Variants in FLRT1 observed in about 807,000 individuals in gnomAD.
FLRT1 encodes the protein fibronectin leucine rich transmembrane protein 1.
Under a neutral mutation model 30.9 loss-of-function variants are expected in FLRT1, and 14 were observed. The ratio of observed to expected loss-of-function variants is 0.45; its 90% confidence interval spans 0.30 to 0.71. The LOEUF is 0.71. FLRT1 is among the 30% of genes least tolerant of loss of function. The probability of loss-of-function intolerance (pLI) is 0.08; values close to 1 mark genes in which losing one functional copy is unlikely to be tolerated. For synonymous variants in FLRT1, 368 were observed against 430.4 expected (o/e 0.85, Z 1.80); for missense variants, 737 against 949.2 (o/e 0.78, Z 2.94).
At position 64,067,772 on chromosome 11, in the gene FLRT1, A is replaced by G. The variant is rs1400722818; in HGVS notation, c.-1038+31613A>G. Among the ~76,000 whole-genome samples, 2 of 151,984 alleles carry G rather than the reference A, an allele frequency of 1.3e-5. No individual in the cohort carries two copies. Among genetic ancestry groups the G allele is most frequent in the East Asian group, 3.9e-4 (2 of 5,158 alleles). ...GCTTGTGAACTGGGGGTGGCCCCAG[A>G]GCTGTTTGTTTTCCCTGACTGAGGG... On this transcript the variant is annotated intron_variant, in intron 1 of 2. Coordinates refer to ENST00000682287, the MANE Select transcript of FLRT1 (RefSeq NM_013280.5). The surrounding 1 kb of genome is among the most constrained non-coding windows in gnomAD (Gnocchi z 4.6).
chr11:64,099,634 GGA>G (rs1185419251), intron 1 of FLRT1, among the ~76,000 whole-genome samples: 1 of 151,822 alleles, frequency 6.6e-6, no homozygotes, highest in Non-Finnish European at 1.5e-5. Flanking sequence ...ATGGATGGAT[GGA>G]GAGATAGGAG....
intron 2 of FLRT1, among the ~76,000 whole-genome samples, chr11:64,113,726 G>C (rs1944907654): frequency 6.7e-6 from 1 of 149,432 alleles, no homozygotes; most frequent in Admixed American, 6.6e-5. Context: ...TGCATGGATT[G>C]ATACATGGAT....
chr11:64,053,954 C>G (rs1464081832), intron 1 of FLRT1, among the ~76,000 whole-genome samples: 1 of 152,172 alleles, frequency 6.6e-6, no homozygotes. Flanking sequence ...TGGCACGGAG[C>G]TGTTCCTGCG....
intron 1 of FLRT1, among the ~76,000 whole-genome samples, chr11:64,077,641 G>A (rs369796193): frequency 1.3e-5 from 2 of 152,084 alleles, no homozygotes; most frequent in South Asian, 2.1e-4. Flanking sequence ...ATAGATGGAC[G>A]CTCAGAGGCA....
chr11:64,107,876 G>C (rs550663631), intron 2 of FLRT1, among the ~76,000 whole-genome samples: 1 of 152,302 alleles, frequency 6.6e-6, no homozygotes, highest in South Asian at 2.1e-4. Context: ...ACGACTCAAG[G>C]CTCCCCTCCC....
chr11:64,054,263 T>G (rs994440156), intron 1 of FLRT1, among the ~76,000 whole-genome samples: 12 of 152,160 alleles, frequency 7.9e-5, no homozygotes, highest in Admixed American at 6.5e-5. Context: ...GACAGTTGGC[T>G]CAAGTCATGA....
chr11:64,078,564 G>A lies in FLRT1; in HGVS notation c.-1037-24630G>A, dbSNP rs565398703. ...TGTCTGGGTGGGCAGTGGTGTGAGCGCGGCCCTGTGCCCCACAGGGTCCCA... is the reference window on the plus strand; with the variant it reads ...TGTCTGGGTGGGCAGTGGTGTGAGCACGGCCCTGTGCCCCACAGGGTCCCA... On this transcript the variant is annotated intron_variant, in intron 1 of 2. Transcript: ENST00000682287. Among the ~76,000 whole-genome samples, 49 of 152,318 alleles carry A rather than the reference G, an allele frequency of 3.2e-4. 1 individual carries two copies. The highest frequency in any genetic ancestry group is 3.4e-3 in the Middle Eastern group (1 of 294).
chr11:64,101,397 G>T (rs1161476758), intron 1 of FLRT1, among the ~76,000 whole-genome samples: 2 of 152,062 alleles, frequency 1.3e-5, no homozygotes, highest in East Asian at 3.9e-4. Flanking sequence ...CTCCTTTTTG[G>T]GTTCTTAATT....
At chr11:64,077,685 T>C (rs895904670) in intron 1 of FLRT1, among the ~76,000 whole-genome samples, 1 of 152,126 alleles carries the variant, frequency 6.6e-6, no homozygotes, top group African/African-American at 2.4e-5. Flanking sequence ...CGTGCCCCCT[T>C]GTTGTCTGGG....
At chr11:64,078,650 T>C (rs1484182894) in intron 1 of FLRT1, among the ~76,000 whole-genome samples, 2 of 152,108 alleles carry the variant, frequency 1.3e-5, no homozygotes, top group African/African-American at 2.4e-5. Flanking sequence ...CCTGCATCCT[T>C]GTCCTACAAA....
chr11:64,060,258 C>T (rs1001309655), intron 1 of FLRT1, among the ~76,000 whole-genome samples: 26 of 152,250 alleles, frequency 1.7e-4, no homozygotes, highest in Non-Finnish European at 8.8e-5. Flanking sequence ...GCCCAGGAGG[C>T]CCCAGAGCTC....
intron 2 of FLRT1, among the ~76,000 whole-genome samples, chr11:64,113,056 C>T (rs572845337): frequency 6.6e-6 from 1 of 152,312 alleles, no homozygotes; most frequent in Admixed American, 6.5e-5. Flanking sequence ...CAGAGTGCTG[C>T]AAGCCTCAAG....
At chr11:64,037,068 C>T (rs1176865168) in intron 1 of FLRT1, among the ~76,000 whole-genome samples, 1 of 152,098 alleles carries the variant, frequency 6.6e-6, no homozygotes, top group Non-Finnish European at 1.5e-5. Context: ...AGAATACAGC[C>T]CAGCTGGGGT....
chr11:64,083,863 T>G (rs576672614), intron 1 of FLRT1, among the ~76,000 whole-genome samples: 32 of 152,196 alleles, frequency 2.1e-4, no homozygotes, highest in African/African-American at 7.2e-4. Flanking sequence ...GGCGCTGACC[T>G]GGGGGGTGCT....
At chr11:64,109,644 C>T (rs1944825084) in intron 2 of FLRT1, among the ~76,000 whole-genome samples, 1 of 152,184 alleles carries the variant, frequency 6.6e-6, no homozygotes, top group South Asian at 2.1e-4. Flanking sequence ...TCCCCGGACT[C>T]CTCCACCCTG....
intron 1 of FLRT1, among the ~76,000 whole-genome samples, chr11:64,043,137 A>G (rs320137): frequency 0.036 from 5,545 of 152,292 alleles, 313 homozygotes; most frequent in African/African-American, 0.12. Flanking sequence ...AAACAGGATG[A>G]TGGCATACGT....
Position 64,082,202 on chromosome 11 carries a change from TC to T in FLRT1, c.-1037-20989del, listed in dbSNP as rs1322470033. On this transcript the variant is annotated intron_variant, in intron 1 of 2. Coordinates refer to ENST00000682287, the MANE Select transcript of FLRT1 (RefSeq NM_013280.5). The surrounding 1 kb of genome is among the most constrained non-coding windows in gnomAD (Gnocchi z 4.5). ...CAGAGCCAGGAGCAGGCGCGAAACA[TC>T]CCTTAAATATTGGTGCTCTCGGCAG... Among the ~76,000 whole-genome samples, 1 of 151,868 alleles carries T rather than the reference TC, an allele frequency of 6.6e-6. No homozygotes were observed. The highest frequency in any genetic ancestry group is 1.9e-4 in the East Asian group (1 of 5,158).
chr11:64,115,028 T>A (rs1415567305), intron 2 of FLRT1, among the ~76,000 whole-genome samples: 1 of 152,176 alleles, frequency 6.6e-6, no homozygotes, highest in Non-Finnish European at 1.5e-5. Flanking sequence ...GCTGGCTCAG[T>A]GAGCAGGTGC....
In FLRT1 at chr11:64,116,342, C is replaced by T; in HGVS notation, c.75C>T (p.Thr25=). 1 of 1,612,058 alleles carries T rather than the reference C, an allele frequency of 6.2e-7. No individual in the cohort carries two copies. Among genetic ancestry groups the T allele is most frequent in the Non-Finnish European group, 8.5e-7 (1 of 1,179,432 alleles). Residue 25 remains threonine (T), a synonymous_variant, in exon 3 of 3, where the codon ACC becomes ACT. Coordinates refer to ENST00000682287, the MANE Select transcript of FLRT1 (RefSeq NM_013280.5). Reference sequence around the variant, plus strand: ...CTGTCACGGCCACCGTTGTGATGACCACGGCCACCATGGACCTGCGGGACT... The same window carrying T: ...CTGTCACGGCCACCGTTGTGATGACTACGGCCACCATGGACCTGCGGGACT... ...TATVTATVVM[T]TATMDLRDWL...
Sources: gnomAD v4.1 joint callset for allele counts (sites outside exome capture counted in the v4.1 genomes callset) on GRCh38, gnomAD v4.1.1 for gene constraint, Gnocchi (gnomAD v3.1) non-coding constraint, MANE v1.5 for transcripts, NCBI Gene and HGNC (gene_info 2026-07-23, HGNC 2026-07-21) for gene names.